FBXO16: variants seen among roughly 807,000 people sequenced by gnomAD.
The protein encoded by FBXO16 is F-box only protein 16.
Under a neutral mutation model 41.0 loss-of-function variants are expected in FBXO16, and 31 were observed. The ratio of observed to expected loss-of-function variants is 0.76; its 90% CI spans 0.57 to 1.02. FBXO16 has a LOEUF of 1.02. Among genes scored for constraint, FBXO16 ranks in the 50% least tolerant of loss-of-function variants. The pLI is 0.00. For missense variants in FBXO16, 361 were observed against 346.2 expected, an observed-to-expected ratio of 1.04 and a Z score of -0.34; for synonymous variants, 133 against 117.8, an observed-to-expected ratio of 1.13 and a Z score of -0.84.
chr8:28,429,451 A>C lies in FBXO16; in HGVS notation c.844-48T>G, dbSNP rs369041805. 169 of 1,609,210 alleles carry C rather than the reference A, an allele frequency of 1.1e-4. No individual in the cohort carries two copies. In the African/African-American group the frequency reaches 2.1e-3, roughly 20 times the overall value. ...AGAGAATGGAGAGAGGAAAAGAAAG[A>C]AATAATCCGAGCTGAGCTTGAAGGG... On this transcript the variant is annotated intron_variant, in intron 7 of 8. Transcript: ENST00000380254.
At chr8:28,459,388 C>T (rs777518634) in intron 4 of FBXO16, among the ~76,000 whole-genome samples, 4 of 151,788 alleles carry the variant, frequency 2.6e-5, no homozygotes, top group Admixed American at 6.6e-5. Flanking sequence ...GAGGCCAAGG[C>T]GAGTGGATCA....
At chr8:28,485,259 A>G (rs1487949051) in intron 1 of FBXO16, among the ~76,000 whole-genome samples, 1 of 151,496 alleles carries the variant, frequency 6.6e-6, no homozygotes, top group African/African-American at 2.4e-5. Context: ...TGCAACCTGC[A>G]CCTCCCAGGT....
intron 1 of FBXO16, among the ~76,000 whole-genome samples, chr8:28,489,335 C>T (rs1176898287): frequency 6.6e-6 from 1 of 151,630 alleles, no homozygotes; most frequent in Non-Finnish European, 1.5e-5. Context: ...GAGTGCGACT[C>T]CATCTTGAAA....
In FBXO16 at chr8:28,490,188, CTT is replaced by C. The variant is rs925513915; in HGVS notation, c.-21_-20del. 2 of 152,246 alleles carry C rather than the reference CTT, an allele frequency of 1.3e-5. No individual in the cohort carries two copies. Among genetic ancestry groups the C allele is most frequent in the Non-Finnish European group, 2.9e-5 (2 of 68,068 alleles). 9.4% of individuals were successfully genotyped at this position (152,246 alleles called of 1,614,324 possible). On this transcript the variant is annotated 5_prime_UTR_variant, in exon 1 of 9. Coordinates refer to ENST00000380254, the MANE Select transcript of FBXO16 (RefSeq NM_172366.4). ...CATGCACTGCCCACAGCTCTCACCT[CTT>C]TTAGCTTGTCTCCCTCTTCAAGCCT...
intron 2 of FBXO16, among the ~76,000 whole-genome samples, chr8:28,478,577 A>G (rs1803458674): frequency 1.3e-5 from 2 of 152,162 alleles, no homozygotes; most frequent in Non-Finnish European, 1.5e-5. Context: ...ATAATCCAGC[A>G]CTTTGGGAGG....
At chr8:28,470,876 G>T (rs1803323936) in intron 3 of FBXO16, among the ~76,000 whole-genome samples, 1 of 152,022 alleles carries the variant, frequency 6.6e-6, no homozygotes, top group Non-Finnish European at 1.5e-5. Context: ...AGTTTTCCTT[G>T]TTTCTCTTTT....
chr8:28,465,431 C>T (rs1391229503), intron 3 of FBXO16: 8 of 449,018 alleles, frequency 1.8e-5, no homozygotes, highest in African/African-American at 1.2e-4. Context: ...GAAACCAGCC[C>T]GAGCAACACC....
At chr8:28,447,935 C>G (rs1802892200) in intron 6 of FBXO16, among the ~76,000 whole-genome samples, 1 of 152,122 alleles carries the variant, frequency 6.6e-6, no homozygotes, top group South Asian at 2.1e-4. Context: ...GCCTGGGCGA[C>G]AGAGTGAGAC....
chr8:28,449,315 CTTTTTTT>C (rs59021779), intron 6 of FBXO16, among the ~76,000 whole-genome samples: 5 of 94,842 alleles, frequency 5.3e-5, no homozygotes, highest in African/African-American at 8.6e-5. Flanking sequence ...ATGTAGACTT[CTTTTTTT>C]TTTTTTTTTT....
intron 7 of FBXO16, among the ~76,000 whole-genome samples, chr8:28,435,458 GCCACC>G (rs2130081271): frequency 6.6e-6 from 1 of 152,190 alleles, no homozygotes; most frequent in Admixed American, 6.5e-5. Flanking sequence ...ATAGGTGTGA[GCCACC>G]GTGCCTGGCC....
At chr8:28,476,717 G>A (rs898354590) in intron 2 of FBXO16, among the ~76,000 whole-genome samples, 2 of 152,130 alleles carry the variant, frequency 1.3e-5, no homozygotes, top group African/African-American at 4.8e-5. Context: ...TACAATGTAG[G>A]AGTGAGATAT....
chr8:28,441,910 ATGTGTG>A (rs1175392833), intron 7 of FBXO16, among the ~76,000 whole-genome samples: 61 of 107,892 alleles, frequency 5.7e-4, no homozygotes, highest in Admixed American at 1.3e-3. Context: ...GTATATATAT[ATGTGTG>A]TGTGTGTGTG....
intron 2 of FBXO16, among the ~76,000 whole-genome samples, chr8:28,477,037 C>A (rs1803433702): frequency 6.6e-6 from 1 of 152,090 alleles, no homozygotes; most frequent in Admixed American, 6.6e-5. Flanking sequence ...TAAAAACATT[C>A]CTTCACCCAA....
chr8:28,487,280 A>G lies in FBXO16; in HGVS notation c.-17+2906T>C, dbSNP rs150210563. On this transcript the variant is annotated intron_variant, in intron 1 of 8. Coordinates refer to ENST00000380254, the MANE Select transcript of FBXO16 (RefSeq NM_172366.4). ...ACGTCCTGCCTCGTCTCTTGCTATT[A>G]TCCTTTTACAGTATTTTCCTCCTTC... 7.4e-3 allele frequency among the ~76,000 whole-genome samples: 1,126 copies of G among 151,908 alleles called. 20 individuals carry two copies. Among genetic ancestry groups the G allele is most frequent in the Non-Finnish European group, 0.011 (763 of 67,906 alleles).
chr8:28,483,717 G>C (rs995629246), intron 1 of FBXO16, among the ~76,000 whole-genome samples: 1 of 152,076 alleles, frequency 6.6e-6, no homozygotes, highest in African/African-American at 2.4e-5. Context: ...GGGCGTGGTG[G>C]TGCATGCCTG....
At position 28,428,594 on chromosome 8, in the gene FBXO16, C is replaced by CA; in HGVS notation, c.*132dup. 1 of 1,551,158 alleles carries CA rather than the reference C, an allele frequency of 6.4e-7. No homozygotes were observed. Among genetic ancestry groups the CA allele is most frequent in the South Asian group, 1.2e-5 (1 of 84,062 alleles). On this transcript the variant is annotated 3_prime_UTR_variant, in exon 9 of 9. Coordinates refer to ENST00000380254, the MANE Select transcript of FBXO16 (RefSeq NM_172366.4). ...CTTTGGCTCTGGAACCTGGATGAGT[C>CA]ATGCTTGGGGCCCAGGGTGCCTGTG...
At chr8:28,471,275 T>C (rs181294828) in intron 3 of FBXO16, among the ~76,000 whole-genome samples, 1 of 152,322 alleles carries the variant, frequency 6.6e-6, no homozygotes, top group Admixed American at 6.5e-5. Flanking sequence ...ATTTTATCTC[T>C]CACTGTCTAG....
rs144551924 is a variant in FBXO16, at chr8:28,485,392, C to T, written c.-16-1930G>A. ...TTCACCATGTTGGCTAGGCTGGTCT[C>T]GAACTCCTGATCTCAGGTGATCTGC... On this transcript the variant is annotated intron_variant, in intron 1 of 8. Transcript: ENST00000380254. Among the ~76,000 whole-genome samples the T allele has an allele frequency of 2.9e-3, 442 of 152,058 alleles. 2 individuals carry two copies. Among genetic ancestry groups the T allele is most frequent in the Non-Finnish European group, 4.2e-3 (288 of 67,958 alleles).
intron 7 of FBXO16, among the ~76,000 whole-genome samples, chr8:28,440,287 A>C (rs1284854501): frequency 6.6e-6 from 1 of 151,958 alleles, no homozygotes; most frequent in Non-Finnish European, 1.5e-5. Flanking sequence ...ATTTTTTTGC[A>C]GAGACAGGGT....
Sources: gnomAD v4.1 joint callset for allele counts (sites outside exome capture counted in the v4.1 genomes callset) on GRCh38, gnomAD v4.1.1 for gene constraint, MANE v1.5 for transcripts, NCBI Gene and HGNC (gene_info 2026-07-23, HGNC 2026-07-21) for gene names.